The following PLPPR1 variants were observed in gnomAD, a reference collection of about 807,000 sequenced individuals.
PLPPR1 encodes phospholipid phosphatase related 1.
In PLPPR1, 10 loss-of-function variants were observed where a neutral mutation model predicts 33.1. That is an observed-to-expected ratio of 0.30 (90% CI 0.19 to 0.51). The LOEUF (loss-of-function observed/expected upper bound fraction) is 0.51. Ranked by LOEUF, PLPPR1 falls within the 20% of genes least tolerant of loss-of-function variation. The pLI, the probability that PLPPR1 is intolerant of heterozygous loss-of-function variation, is 0.97. For missense variants in PLPPR1, 304 were observed against 408.1 expected (o/e 0.74, Z 2.20); for synonymous variants, 151 against 151.0 (o/e 1.00, Z 0.00).
intron 4 of PLPPR1, among the ~76,000 whole-genome samples, chr9:101,292,919 A>G (rs1367971564): frequency 1.3e-5 from 2 of 151,566 alleles, no homozygotes; most frequent in Admixed American, 1.3e-4. Flanking sequence ...TAACCAGCTA[A>G]CATCATAATG....
At chr9:101,073,145 A>G (rs1458967800) in intron 1 of PLPPR1, among the ~76,000 whole-genome samples, 1 of 152,212 alleles carries the variant, frequency 6.6e-6, no homozygotes, top group Non-Finnish European at 1.5e-5. Flanking sequence ...AAATCATGGC[A>G]TGTTTGTATA....
At position 101,305,223 on chromosome 9, in the gene PLPPR1, G is replaced by T. The variant is rs7874930; in HGVS notation, c.386-3988G>T. On this transcript the variant is annotated intron_variant, in intron 4 of 7. Coordinates refer to ENST00000374874, the MANE Select transcript of PLPPR1 (RefSeq NM_207299.2). ...GGTAAAAGTGTGTGTGTGTGTGCGT[G>T]CATGTGTGCATGCGCAAGTGTGTGT... 7.2e-3 allele frequency among the ~76,000 whole-genome samples: 1,098 copies of T among 152,126 alleles called. 7 individuals carry two copies. The highest frequency in any genetic ancestry group is 0.017 in the African/African-American group (701 of 41,504).
intron 2 of PLPPR1, among the ~76,000 whole-genome samples, chr9:101,252,858 C>T (rs1296795640): frequency 2.0e-5 from 3 of 151,464 alleles, no homozygotes; most frequent in African/African-American, 4.9e-5. Flanking sequence ...GATGAAAACT[C>T]GATGTTCGTT....
At chr9:101,159,161 G>C (rs1204662069) in intron 1 of PLPPR1, among the ~76,000 whole-genome samples, 3 of 152,096 alleles carry the variant, frequency 2.0e-5, no homozygotes, top group African/African-American at 7.2e-5. Context: ...AATAATCAGT[G>C]AATTAATCTA....
intron 1 of PLPPR1, among the ~76,000 whole-genome samples, chr9:101,036,783 A>G (rs1830016641): frequency 6.6e-6 from 1 of 152,030 alleles, no homozygotes; most frequent in South Asian, 2.1e-4. Flanking sequence ...AATAGATGAA[A>G]GACATTTTCA....
intron 1 of PLPPR1, among the ~76,000 whole-genome samples, chr9:101,162,914 C>T (rs1050700446): frequency 2.6e-5 from 4 of 152,124 alleles, no homozygotes; most frequent in Non-Finnish European, 5.9e-5. Flanking sequence ...CCACATTTCT[C>T]CTCCAATCTC....
At chr9:101,241,031 G>A (rs1356003337) in intron 2 of PLPPR1, among the ~76,000 whole-genome samples, 1 of 152,036 alleles carries the variant, frequency 6.6e-6, no homozygotes, top group African/African-American at 2.4e-5. Context: ...AAGTGTTCAT[G>A]GGCTTGTTTT....
intron 1 of PLPPR1, among the ~76,000 whole-genome samples, chr9:101,037,461 T>A (rs1158411269): frequency 1.3e-5 from 2 of 152,104 alleles, no homozygotes; most frequent in East Asian, 3.9e-4. Flanking sequence ...GTGCCCTTTT[T>A]ATTGAGGTTT....
intron 2 of PLPPR1, among the ~76,000 whole-genome samples, chr9:101,246,055 AATATATAT>A (rs58070017): frequency 0.1 from 8,759 of 84,734 alleles, 702 homozygotes; most frequent in Admixed American, 0.2. Flanking sequence ...ATTGAATATG[AATATATAT>A]ATATATATAT....
At chr9:101,056,562 A>G (rs1057158432) in intron 1 of PLPPR1, among the ~76,000 whole-genome samples, 13 of 152,208 alleles carry the variant, frequency 8.5e-5, no homozygotes, top group African/African-American at 2.9e-4. Flanking sequence ...AGTGATTCAA[A>G]TTAGAAGATG....
At chr9:101,179,747 T>C (rs542982642) in intron 1 of PLPPR1, among the ~76,000 whole-genome samples, 82 of 152,154 alleles carry the variant, frequency 5.4e-4, no homozygotes, top group African/African-American at 1.9e-3. Flanking sequence ...CTTGATTGGA[T>C]GGAAGGATGC....
At chr9:101,270,550 G>T (rs529220379) in intron 3 of PLPPR1, among the ~76,000 whole-genome samples, 2 of 152,274 alleles carry the variant, frequency 1.3e-5, no homozygotes, top group Admixed American at 6.5e-5. Context: ...TTAACCTGAA[G>T]TTTGCTGTGA....
intron 2 of PLPPR1, among the ~76,000 whole-genome samples, chr9:101,227,953 A>G (rs2118809208): frequency 6.6e-6 from 1 of 152,088 alleles, no homozygotes; most frequent in East Asian, 1.9e-4. Flanking sequence ...AATTATTTAC[A>G]TTTTTAGCAG....
intron 2 of PLPPR1, among the ~76,000 whole-genome samples, chr9:101,199,884 G>A (rs1314180074): frequency 2.0e-5 from 3 of 152,150 alleles, no homozygotes; most frequent in East Asian, 3.8e-4. Flanking sequence ...AGAATGGGAC[G>A]AAACTAGAGA....
chr9:101,224,163 A>G (rs1214170122), intron 2 of PLPPR1, among the ~76,000 whole-genome samples: 1 of 152,180 alleles, frequency 6.6e-6, no homozygotes, highest in Non-Finnish European at 1.5e-5. Flanking sequence ...TTGGCAATGT[A>G]AGAAGCTGAA....
intron 5 of PLPPR1, among the ~76,000 whole-genome samples, chr9:101,312,157 T>C (rs902730398): frequency 5.9e-5 from 9 of 152,216 alleles, no homozygotes; most frequent in African/African-American, 1.9e-4. Context: ...AGTAAATGAA[T>C]GAATAAAGCT....
At chr9:101,295,471 C>CA (rs1201564110) in intron 4 of PLPPR1, among the ~76,000 whole-genome samples, 17 of 151,934 alleles carry the variant, frequency 1.1e-4, no homozygotes, top group Admixed American at 2.6e-4. Flanking sequence ...CATATGGAAC[C>CA]AAAAAAGAGC....
chr9:101,214,293 A>G (rs760789668), intron 2 of PLPPR1, among the ~76,000 whole-genome samples: 3 of 152,244 alleles, frequency 2.0e-5, no homozygotes, highest in Non-Finnish European at 4.4e-5. Context: ...TTATACTTCA[A>G]TAAGCTTAAG....
chr9:101,110,806 T>A (rs1035271643), intron 1 of PLPPR1, among the ~76,000 whole-genome samples: 2 of 152,146 alleles, frequency 1.3e-5, no homozygotes, highest in African/African-American at 4.8e-5. Context: ...TGTTCATGTG[T>A]TACTTCTATA....
Sources: allele counts gnomAD v4.1 joint callset (sites outside exome capture counted in the v4.1 genomes callset), GRCh38; gene constraint gnomAD v4.1.1; transcripts MANE v1.5; gene names NCBI Gene and HGNC (gene_info 2026-07-23, HGNC 2026-07-21).